The following HMCN1 variants were observed in gnomAD, a reference collection of about 807,000 sequenced individuals.
HMCN1 encodes hemicentin-1.
Under a neutral mutation model 625.9 loss-of-function variants are expected in HMCN1, and 321 were observed. The ratio of observed to expected loss-of-function variants is 0.51; its 90% CI spans 0.47 to 0.56. The LOEUF (loss-of-function observed/expected upper bound fraction) is 0.56, where lower values mean the gene tolerates loss of function less well. HMCN1 is among the 20% of genes least tolerant of loss of function. The probability of loss-of-function intolerance (pLI) is 0.00; values close to 1 mark genes in which losing one functional copy is unlikely to be tolerated. For synonymous variants in HMCN1, 2,425 were observed against 2,417.6 expected (o/e 1.00, Z -0.09); for missense variants, 6,588 against 6,887.3 (o/e 0.96, Z 1.54).
intron 4 of HMCN1, among the ~76,000 whole-genome samples, chr1:185,902,991 C>CA (rs1340209507): frequency 6.7e-6 from 1 of 148,916 alleles, no homozygotes; most frequent in Non-Finnish European, 1.5e-5. Context: ...CCCAAGCAAA[C>CA]AAAAAAAAGA....
At chr1:185,851,480 T>A (rs1249235343) in intron 2 of HMCN1, among the ~76,000 whole-genome samples, 1 of 152,118 alleles carries the variant, frequency 6.6e-6, no homozygotes, top group East Asian at 1.9e-4. Context: ...TTTATTAAAT[T>A]TGTACCATTA....
intron 97 of HMCN1, among the ~76,000 whole-genome samples, chr1:186,158,778 C>G (rs1282833715): frequency 1.3e-5 from 2 of 152,118 alleles, no homozygotes; most frequent in Admixed American, 6.6e-5. Flanking sequence ...GGGCTCTGTT[C>G]TGTTCCATTG....
intron 1 of HMCN1, among the ~76,000 whole-genome samples, chr1:185,844,082 G>A (rs1214595952): frequency 6.6e-6 from 1 of 151,998 alleles, no homozygotes; most frequent in Non-Finnish European, 1.5e-5. Context: ...TCAGTATTAT[G>A]CAATGTGGGA....
intron 105 of HMCN1, among the ~76,000 whole-genome samples, chr1:186,183,307 G>C (rs1365585977): frequency 6.6e-6 from 1 of 152,154 alleles, no homozygotes; most frequent in Non-Finnish European, 1.5e-5. Context: ...GCAAAACCAA[G>C]GTGGACAATG....
intron 11 of HMCN1, among the ~76,000 whole-genome samples, chr1:185,953,675 G>C (rs920176576): frequency 2.6e-5 from 4 of 151,816 alleles, no homozygotes. Flanking sequence ...TGAGGTAGTA[G>C]GTGGATCTTT....
intron 1 of HMCN1, among the ~76,000 whole-genome samples, chr1:185,770,831 A>G (rs1656191491): frequency 6.6e-6 from 1 of 152,196 alleles, no homozygotes; most frequent in Admixed American, 6.6e-5. Flanking sequence ...TTGACATTTA[A>G]GTGCAGGGCC....
chr1:186,111,407 G>A (rs757103218), intron 71 of HMCN1, among the ~76,000 whole-genome samples: 1 of 152,120 alleles, frequency 6.6e-6, no homozygotes, highest in South Asian at 2.1e-4. Flanking sequence ...CCAGCACTTC[G>A]GAAGGCCAAG....
chr1:185,991,789 A>C (rs1332720710), intron 22 of HMCN1, among the ~76,000 whole-genome samples: 1 of 151,456 alleles, frequency 6.6e-6, no homozygotes, highest in Non-Finnish European at 1.5e-5. Context: ...TTTCTTTAGG[A>C]CCTATATACA....
chr1:186,031,779 C>A (rs1320105081), intron 36 of HMCN1, among the ~76,000 whole-genome samples: 1 of 151,948 alleles, frequency 6.6e-6, no homozygotes, highest in Non-Finnish European at 1.5e-5. Flanking sequence ...TTCCAGCTTT[C>A]TTCTTCCAGG....
chr1:185,985,357 A>C (rs927887658), intron 19 of HMCN1, among the ~76,000 whole-genome samples: 1 of 152,176 alleles, frequency 6.6e-6, no homozygotes, highest in African/African-American at 2.4e-5. Context: ...TTTCTTGAAC[A>C]GTGCTTATAG....
chr1:186,036,742 C>T (rs1571755494), intron 36 of HMCN1, among the ~76,000 whole-genome samples: 1 of 151,964 alleles, frequency 6.6e-6, no homozygotes, highest in Non-Finnish European at 1.5e-5. Context: ...AGGCGCCCAC[C>T]ACTACCTCCA....
chr1:185,982,167 A>G, intron 17 of HMCN1, 95 bp from the exon 18 acceptor site: 4 of 1,234,370 alleles, frequency 3.2e-6, no homozygotes, highest in East Asian at 2.3e-5. Flanking sequence ...TCAAACTTTT[A>G]TAGCATAACT....
At position 185,846,304 on chromosome 1, in the gene HMCN1, G is replaced by T. The variant is rs10911779; in HGVS notation, c.339+208G>T. ...ACAGATGGGGTTTGAAATATCACCA[G>T]TTAGTTACTACCTATGGCTGGTTTA... is the stretch of plus-strand genomic sequence containing the variant. On this transcript the variant is annotated intron_variant, in intron 2 of 106. Coordinates refer to ENST00000271588, the MANE Select transcript of HMCN1 (RefSeq NM_031935.3). 2.4e-3 allele frequency among the ~76,000 whole-genome samples: 360 copies of T among 152,290 alleles called. 1 individual carries two copies. Among genetic ancestry groups the T allele is most frequent in the African/African-American group, 8.3e-3 (343 of 41,544 alleles).
Position 185,799,371 on chromosome 1 carries a change from G to A in HMCN1, c.269-46655G>A, listed in dbSNP as rs538812323. 3.4e-3 allele frequency among the ~76,000 whole-genome samples: 518 copies of A among 152,284 alleles called. 3 individuals carry two copies. Among genetic ancestry groups the A allele is most frequent in the South Asian group, 7.7e-3 (37 of 4,822 alleles). On this transcript the variant is annotated intron_variant, in intron 1 of 106. Coordinates refer to ENST00000271588, the MANE Select transcript of HMCN1 (RefSeq NM_031935.3). ...AAACTCTCTGGTACCTTAGGCAGTG[G>A]GCTGGTCTGTGGGATGCCCAATGGC...
At chr1:186,179,631 C>T (rs972936677) in intron 104 of HMCN1, among the ~76,000 whole-genome samples, 5 of 152,086 alleles carry the variant, frequency 3.3e-5, no homozygotes, top group East Asian at 1.9e-4. Context: ...AAACAAATTC[C>T]GTTTAAATTC....
chr1:185,859,587 T>C (rs1662735133), intron 2 of HMCN1, among the ~76,000 whole-genome samples: 1 of 152,222 alleles, frequency 6.6e-6, no homozygotes. Context: ...AAGTGCTTAA[T>C]AGCCACATGA....
chr1:185,993,694 T>G (rs1287067803), intron 23 of HMCN1, among the ~76,000 whole-genome samples: 2 of 152,128 alleles, frequency 1.3e-5, no homozygotes, highest in African/African-American at 4.8e-5. Context: ...TTTTCAATAT[T>G]TAAAGATCTC....
At chr1:185,791,940 G>A (rs1658030927) in intron 1 of HMCN1, among the ~76,000 whole-genome samples, 1 of 152,058 alleles carries the variant, frequency 6.6e-6, no homozygotes, top group African/African-American at 2.4e-5. Flanking sequence ...TAGGCCAACA[G>A]GAAATTGAAG....
At chr1:185,757,952 G>A (rs1655240121) in intron 1 of HMCN1, among the ~76,000 whole-genome samples, 1 of 152,018 alleles carries the variant, frequency 6.6e-6, no homozygotes. Context: ...GATGCTGGAG[G>A]GCAGAATTGA....
Sources: allele counts gnomAD v4.1 joint callset (sites outside exome capture counted in the v4.1 genomes callset), GRCh38; gene constraint gnomAD v4.1.1; transcripts MANE v1.5; gene names NCBI Gene and HGNC (gene_info 2026-07-23, HGNC 2026-07-21).